MS4A14: variants seen among roughly 807,000 people sequenced by gnomAD.
MS4A14 encodes membrane spanning 4-domains A14, also known as membrane-spanning 4-domains subfamily A member 14.
In MS4A14, 18 loss-of-function variants were observed where a neutral mutation model predicts 16.7. The ratio of observed to expected loss-of-function variants is 1.08; its 90% confidence interval spans 0.75 to 1.60. The LOEUF is 1.60. MS4A14 is among the 40% of genes most tolerant of loss of function. The probability of loss-of-function intolerance (pLI) is 0.00; values close to 1 mark genes in which losing one functional copy is unlikely to be tolerated. For synonymous variants in MS4A14, 305 were observed against 289.4 expected, an observed-to-expected ratio of 1.05 and a Z score of -0.55; for missense variants, 812 against 775.3, an observed-to-expected ratio of 1.05 and a Z score of -0.56.
chr11:60,396,829 C>T (rs2241921), intron 1 of MS4A14, 113 bp downstream of exon 1: 714,663 of 1,138,616 alleles, frequency 0.63, 225,196 homozygotes, highest in Middle Eastern at 0.74. Flanking sequence ...GTTAATTCTA[C>T]TTTTCCCCCT....
In MS4A14 at chr11:60,415,722, C is replaced by T. The variant is rs1590822339; in HGVS notation, c.754C>T (p.Pro252Ser). The change falls in exon 5 of 5, where the codon CCT (proline) becomes TCT (serine). Residue 252 changes from proline (P) to serine (S), a missense_variant. Coordinates refer to ENST00000300187, the MANE Select transcript of MS4A14 (RefSeq NM_032597.5). ...TTCAGAGGAAGAAATTGAACCTTTG[C>T]CTCCCACACTAGAGAAAAAGCCCTC... ...KFSEEEIEPL[P>S]PTLEKKPSEN... is the part of the protein sequence containing the mutation. 6.2e-7 allele frequency: 1 copy of T among 1,613,860 alleles called. No homozygotes were observed. The highest frequency in any genetic ancestry group is 1.3e-5 in the African/African-American group (1 of 74,982).
In MS4A14 at chr11:60,416,288, T is replaced by C. The variant is rs1219581949; in HGVS notation, c.1320T>C (p.Leu440=). ...ACCTACTTCAGCAGCCCCCAGATCT[T>C]CAACCAGAAAACACTGAACCTCAAA... is the stretch of plus-strand genomic sequence containing the variant. ...IQHLLQQPPD[L]QPENTEPQNQ... is the part of the protein sequence containing the mutation. Residue 440 remains leucine (L), a synonymous_variant, in exon 5 of 5, where the codon CTT becomes CTC. Coordinates refer to ENST00000300187, the MANE Select transcript of MS4A14 (RefSeq NM_032597.5). 6.2e-7 allele frequency: 1 copy of C among 1,613,988 alleles called. No homozygotes were observed. Among genetic ancestry groups the C allele is most frequent in the South Asian group, 1.1e-5 (1 of 91,078 alleles).
intron 4 of MS4A14, among the ~76,000 whole-genome samples, chr11:60,414,385 T>A (rs1409157330): frequency 1.3e-5 from 2 of 150,898 alleles, no homozygotes; most frequent in East Asian, 3.9e-4. Flanking sequence ...AGATTCTCAA[T>A]CTAGGCCTGC....
At chr11:60,409,056 C>T (rs1052693900) in intron 4 of MS4A14, among the ~76,000 whole-genome samples, 4 of 152,054 alleles carry the variant, frequency 2.6e-5, no homozygotes, top group African/African-American at 9.7e-5. Flanking sequence ...TTATGGGGTA[C>T]AGTGTGATGC....
intron 4 of MS4A14, among the ~76,000 whole-genome samples, chr11:60,407,681 T>A (rs1016283112): frequency 6.6e-6 from 1 of 152,224 alleles, no homozygotes. Flanking sequence ...TGACTAATGA[T>A]GATGACACTC....
At chr11:60,402,299 A>G (rs967067505) in intron 3 of MS4A14, among the ~76,000 whole-genome samples, 2 of 152,200 alleles carry the variant, frequency 1.3e-5, no homozygotes, top group Middle Eastern at 3.2e-3. Flanking sequence ...ACATCTTTAA[A>G]TGTTAACGAT....
chr11:60,406,750 A>G (rs1407273254), intron 4 of MS4A14, among the ~76,000 whole-genome samples: 1 of 152,154 alleles, frequency 6.6e-6, no homozygotes. Context: ...TACCATCACA[A>G]TCAAGGTATA....
chr11:60,416,933 A>G lies in MS4A14; in HGVS notation c.1965A>G (p.Gln655=). 6.2e-7 allele frequency: 1 copy of G among 1,613,728 alleles called. No individual in the cohort carries two copies. Among genetic ancestry groups the G allele is most frequent in the Non-Finnish European group, 8.5e-7 (1 of 1,179,740 alleles). The change falls in exon 5 of 5, where the codon CAA becomes CAG. Residue 655 remains glutamine (Q), a synonymous_variant. Coordinates refer to ENST00000300187, the MANE Select transcript of MS4A14 (RefSeq NM_032597.5). ...ESQIQQYQFW[Q]FHKGNLQAGQ... ...AAATACAGCAATACCAATTCTGGCA[A>G]TTCCACAAAGGCAATCTCCAGGCTG...
In MS4A14 at chr11:60,415,672, A is replaced by G; in HGVS notation, c.704A>G (p.Gln235Arg). The part of the protein sequence containing the change: ...GREFVPDEQK[Q>R]SILPSPKFSE... ...GAATTTGTGCCAGATGAACAAAAGC[A>G]AAGTATCCTTCCATCTCCCAAATTT... The change falls in exon 5 of 5, where the codon CAA (glutamine) becomes CGA (arginine). Residue 235 changes from glutamine to arginine, a missense_variant. Transcript: ENST00000300187. The G allele has an allele frequency of 6.2e-7, 1 of 1,613,976 alleles. No homozygotes were observed. Among genetic ancestry groups the G allele is most frequent in the Non-Finnish European group, 8.5e-7 (1 of 1,179,902 alleles).
intron 4 of MS4A14, among the ~76,000 whole-genome samples, chr11:60,408,241 G>A (rs10897058): frequency 0.024 from 3,656 of 152,132 alleles, 185 homozygotes; most frequent in East Asian, 0.22. Flanking sequence ...TGGCCACTAC[G>A]TCTATCCTTC....
intron 4 of MS4A14, among the ~76,000 whole-genome samples, chr11:60,410,158 C>G (rs1170786986): frequency 2.0e-5 from 3 of 152,158 alleles, no homozygotes; most frequent in African/African-American, 7.2e-5. Flanking sequence ...CACACCCAGC[C>G]TTATATAATG....
At chr11:60,408,972 G>A (rs931400243) in intron 4 of MS4A14, among the ~76,000 whole-genome samples, 15 of 151,824 alleles carry the variant, frequency 9.9e-5, no homozygotes, top group Non-Finnish European at 1.6e-4. Flanking sequence ...CCAACCAACA[G>A]GGGAAAAGGG....
At chr11:60,396,943 G>C (rs2085633755) in intron 1 of MS4A14, among the ~76,000 whole-genome samples, 2 of 152,176 alleles carry the variant, frequency 1.3e-5, no homozygotes, top group Admixed American at 1.3e-4. Flanking sequence ...AGTGACTTCA[G>C]GGTGTGGTGG....
intron 4 of MS4A14, chr11:60,404,785 T>C: frequency 6.2e-6 from 2 of 320,488 alleles, no homozygotes; most frequent in Non-Finnish European, 1.2e-5. Context: ...CCCATTAGAG[T>C]AGCGCATAGC....
At chr11:60,408,462 GA>G (rs2085820896) in intron 4 of MS4A14, among the ~76,000 whole-genome samples, 1 of 151,928 alleles carries the variant, frequency 6.6e-6, no homozygotes, top group African/African-American at 2.4e-5. Context: ...ATCACTCCCC[GA>G]TTCCCCTCCT....
Position 60,416,613 on chromosome 11 carries a change from G to C in MS4A14, c.1645G>C (p.Asp549His). The C allele has an allele frequency of 6.2e-7, 1 of 1,613,920 alleles. No individual in the cohort carries two copies. The highest frequency in any genetic ancestry group is 8.5e-7 in the Non-Finnish European group (1 of 1,179,952). Residue 549 changes from aspartate (D) to histidine (H), a missense_variant, in exon 5 of 5, where the codon GAT becomes CAT. Coordinates refer to ENST00000300187, the MANE Select transcript of MS4A14 (RefSeq NM_032597.5). ...DWLSPKRHSVDKQAQLNQTKE... is the reference protein window; with the variant it reads ...DWLSPKRHSVHKQAQLNQTKE... ...GCTATCCCCAAAGAGGCACTCCGTA[G>C]ATAAGCAAGCTCAACTTAATCAAAC...
chr11:60,397,335 T>C (rs1470267641), intron 1 of MS4A14, among the ~76,000 whole-genome samples: 2 of 152,104 alleles, frequency 1.3e-5, no homozygotes, highest in Non-Finnish European at 2.9e-5. Context: ...GGAGGTGAAA[T>C]GCAAGCTCAT....
In MS4A14 at chr11:60,415,803, C is replaced by T; in HGVS notation, c.835C>T (p.Leu279=). 1 of 1,613,912 alleles carries T rather than the reference C, an allele frequency of 6.2e-7. No homozygotes were observed. Residue 279 remains leucine, a synonymous_variant, in exon 5 of 5, where the codon CTA becomes TTA. Transcript: ENST00000300187. The part of the protein sequence containing the change: ...STFKQMKDED[L]QSAIVQPSQM... Reference sequence around the variant, plus strand: ...ATTTAAACAAATGAAAGATGAAGATCTACAATCTGCTATTGTACAACCTTC... The same window carrying T: ...ATTTAAACAAATGAAAGATGAAGATTTACAATCTGCTATTGTACAACCTTC...
Position 60,417,215 on chromosome 11 carries a change from A to G in MS4A14, c.*207A>G, listed in dbSNP as rs1214074676. ...CCAACAAGACCTTCAATCCAGAGTT[A>G]CACAAAAAGGAGATATGTACACTAG... On this transcript the variant is annotated 3_prime_UTR_variant, in exon 5 of 5. Transcript: ENST00000300187. 3 of 567,096 alleles carry G rather than the reference A, an allele frequency of 5.3e-6. No individual in the cohort carries two copies. Among genetic ancestry groups the G allele is most frequent in the Middle Eastern group, 4.9e-4 (1 of 2,022 alleles). 35.1% of individuals were successfully genotyped at this position (567,096 alleles called of 1,614,324 possible). A position where few individuals can be genotyped will look rare whatever the true frequency, so the allele number is the denominator to read the frequency against.
Sources: gnomAD v4.1 joint callset for allele counts (sites outside exome capture counted in the v4.1 genomes callset) on GRCh38, gnomAD v4.1.1 for gene constraint, MANE v1.5 for transcripts, NCBI Gene and HGNC (gene_info 2026-07-23, HGNC 2026-07-21) for gene names.